Variants in TPCN2 observed in about 807,000 individuals in gnomAD.
TPCN2 encodes the protein two pore channel protein 2.
Under a neutral mutation model 111.4 loss-of-function variants are expected in TPCN2, and 92 were observed. That is an observed-to-expected ratio of 0.83 (90% CI 0.70 to 0.98). The LOEUF (loss-of-function observed/expected upper bound fraction) is 0.98. Among genes scored for constraint, TPCN2 ranks in the 50% least tolerant of loss-of-function variants. TPCN2 has a pLI of 0.00. For missense variants in TPCN2, 995 were observed against 980.1 expected (o/e 1.02, Z -0.20); for synonymous variants, 405 against 414.5 (o/e 0.98, Z 0.28).
intron 4 of TPCN2, 122 bp downstream of exon 4, chr11:69,055,474 C>A: frequency 1.9e-6 from 2 of 1,071,600 alleles, no homozygotes; most frequent in Admixed American, 3.0e-5. Context: ...TGTACTTTGA[C>A]CCGGTGAGCA....
At chr11:69,068,065 A>G (rs1051333702) in intron 8 of TPCN2, among the ~76,000 whole-genome samples, 5 of 151,474 alleles carry the variant, frequency 3.3e-5, no homozygotes, top group African/African-American at 1.2e-4. Flanking sequence ...GCAGCATGTG[A>G]GGGCCAAGGG....
rs760397150 is a variant in TPCN2 at position 69,079,849 on chromosome 11, A to G, written c.1555A>G (p.Thr519Ala). Reference protein sequence around the residue: ...TVVLLVLEISTLAVYRLPHPG... With the variant: ...TVVLLVLEISALAVYRLPHPG... Reference sequence around the variant, plus strand: ...GTAATTAAAGGTTTTGGAGATCTCAACTCTGGCTGTGTACCGATTGCCACA... The same window carrying G: ...GTAATTAAAGGTTTTGGAGATCTCAGCTCTGGCTGTGTACCGATTGCCACA... The change falls in exon 17 of 25, where the codon ACT (threonine) becomes GCT (alanine). Residue 519 changes from threonine (T) to alanine (A), a missense_variant. Transcript: ENST00000294309. The G allele has an allele frequency of 3.7e-6, 6 of 1,613,292 alleles. No individual in the cohort carries two copies. The highest frequency in any genetic ancestry group is 3.3e-5 in the Admixed American group (2 of 59,932).
At chr11:69,061,666 AC>A (rs1457072702) in intron 5 of TPCN2, among the ~76,000 whole-genome samples, 4 of 150,968 alleles carry the variant, frequency 2.6e-5, no homozygotes, top group African/African-American at 9.8e-5. Context: ...GCTCATGGGG[AC>A]CCCCAGGTGG....
chr11:69,074,205 C>T lies in TPCN2; in HGVS notation c.1230+1204C>T, dbSNP rs190543303. On this transcript the variant is annotated intron_variant, in intron 13 of 24. Transcript: ENST00000294309. Reference sequence around the variant, plus strand: ...TAAAAAACATTGTTTTCCTAAGGTCCTTCCAGACCTCTGTAGTCAGGCCCT... The same window carrying T: ...TAAAAAACATTGTTTTCCTAAGGTCTTTCCAGACCTCTGTAGTCAGGCCCT... Among the ~76,000 whole-genome samples the T allele has an allele frequency of 1.4e-3, 210 of 152,326 alleles. 1 individual carries two copies. The highest frequency in any genetic ancestry group is 4.7e-3 in the African/African-American group (196 of 41,570).
At chr11:69,055,077 G>T in intron 3 of TPCN2, 98 bp from the exon 4 acceptor site, 1 of 1,325,412 alleles carries the variant, frequency 7.5e-7, no homozygotes, top group Non-Finnish European at 1.1e-6. Context: ...CTCAGGCAGC[G>T]CCAACTCCCG....
Position 69,072,941 on chromosome 11 carries a change from G to A in TPCN2, c.1170G>A (p.Leu390=), listed in dbSNP as rs760456371. 7 of 1,613,864 alleles carry A rather than the reference G, an allele frequency of 4.3e-6. No individual in the cohort carries two copies. The highest frequency in any genetic ancestry group is 1.1e-5 in the South Asian group (1 of 91,034). Residue 390 remains leucine, a synonymous_variant, in exon 13 of 25, where the codon CTG becomes CTA. Transcript: ENST00000294309. ...MEKVRSYGSV[L]LSAEEFQKLF... ...AGGTGCGTTCCTATGGCAGTGTTCTGCTCTCAGCTGAGGAGTTTCAGAAGC... is the reference window on the plus strand; with the variant it reads ...AGGTGCGTTCCTATGGCAGTGTTCTACTCTCAGCTGAGGAGTTTCAGAAGC...
intron 5 of TPCN2, among the ~76,000 whole-genome samples, chr11:69,058,532 G>T (rs958061118): frequency 6.6e-6 from 1 of 152,178 alleles, no homozygotes; most frequent in Non-Finnish European, 1.5e-5. Flanking sequence ...CGATGTGGGG[G>T]CTGGAAGCTC....
intron 18 of TPCN2, among the ~76,000 whole-genome samples, chr11:69,082,328 ACAC>A (rs1856050013): frequency 6.6e-6 from 1 of 152,252 alleles, no homozygotes; most frequent in African/African-American, 2.4e-5. Flanking sequence ...ACATGCATAT[ACAC>A]ACACAATCAC....
chr11:69,054,858 GC>G (rs1300238180), intron 3 of TPCN2, 61 bp downstream of exon 3: 2 of 1,545,690 alleles, frequency 1.3e-6, no homozygotes, highest in Non-Finnish European at 1.8e-6. Flanking sequence ...GGGGAGGCTG[GC>G]CCCCACCTGG....
intron 5 of TPCN2, 25 bp downstream of exon 5, chr11:69,057,719 C>G (rs1244346400): frequency 1.2e-6 from 2 of 1,605,252 alleles, no homozygotes; most frequent in Admixed American, 3.3e-5. Flanking sequence ...AGCCCTGAGA[C>G]AGATGGAGAG....
rs375116673 is a variant in TPCN2, at chr11:69,086,622, C to T, written c.2085+18C>T. 110 of 1,610,814 alleles carry T rather than the reference C, an allele frequency of 6.8e-5. No homozygotes were observed. In the African/African-American group the frequency reaches 1.4e-3, roughly 20 times the overall value. On this transcript the variant is annotated intron_variant, in intron 23 of 24. Transcript: ENST00000294309. ...TTCTGGAGGTATCAGAGATCCCCAC[C>T]CAGGCTGTTCTCCATGGTCGTTTGT...
At chr11:69,070,026 C>CTTTTT (rs34320189) in intron 8 of TPCN2, among the ~76,000 whole-genome samples, 2 of 143,926 alleles carry the variant, frequency 1.4e-5, no homozygotes, top group African/African-American at 2.6e-5. Flanking sequence ...TTCTTTCTTT[C>CTTTTT]TTTTTTTTTT....
chr11:69,057,553 G>A (rs757109062), intron 4 of TPCN2, 25 bp from the exon 5 acceptor site: 5 of 1,604,902 alleles, frequency 3.1e-6, no homozygotes, highest in Non-Finnish European at 4.3e-6. Context: ...GCTACTTGCT[G>A]CTCACCCGCC....
chr11:69,086,322 C>G (rs1856271801), intron 22 of TPCN2, among the ~76,000 whole-genome samples: 1 of 152,220 alleles, frequency 6.6e-6, no homozygotes, highest in South Asian at 2.1e-4. Context: ...CTCCTGCTGG[C>G]TTAGCTACCT....
At chr11:69,087,774 A>T in intron 24 of TPCN2, 101 bp from the exon 25 acceptor site, 1 of 867,304 alleles carries the variant, frequency 1.2e-6, no homozygotes, top group South Asian at 1.6e-5. Flanking sequence ...TGTGACACTC[A>T]CTTCGCATGT....
chr11:69,070,568 C>A, intron 9 of TPCN2, 73 bp downstream of exon 9: 1 of 1,114,448 alleles, frequency 9.0e-7, no homozygotes, highest in Non-Finnish European at 1.3e-6. Context: ...ACCCTGCTGC[C>A]TCCACGACCT....
At chr11:69,085,189 C>T (rs755625772) in intron 19 of TPCN2, 21 bp from the exon 20 acceptor site, 1 of 1,612,622 alleles carries the variant, frequency 6.2e-7, no homozygotes, top group Non-Finnish European at 8.5e-7. Context: ...GCTGATCAGT[C>T]CCCGGCTCCT....
At position 69,072,043 on chromosome 11, in the gene TPCN2, C is replaced by T; in HGVS notation, c.1061+20C>T. On this transcript the variant is annotated intron_variant, in intron 11 of 24. Transcript: ENST00000294309. Reference sequence around the variant, plus strand: ...TCAGGCGTGAGTGCTGGGCATGGACCCTCTTCTCCCTGAGGGTGGGTGCTG... The same window carrying T: ...TCAGGCGTGAGTGCTGGGCATGGACTCTCTTCTCCCTGAGGGTGGGTGCTG... The T allele has an allele frequency of 6.3e-7, 1 of 1,595,452 alleles. No homozygotes were observed. The highest frequency in any genetic ancestry group is 8.6e-7 in the Non-Finnish European group (1 of 1,165,320).
At chr11:69,061,368 G>A (rs1243364464) in intron 5 of TPCN2, among the ~76,000 whole-genome samples, 3 of 152,252 alleles carry the variant, frequency 2.0e-5, no homozygotes, top group Admixed American at 1.3e-4. Flanking sequence ...GCTGTGGGCA[G>A]TTGTCGGAGG....
Sources: allele counts gnomAD v4.1 joint callset (sites outside exome capture counted in the v4.1 genomes callset), GRCh38; gene constraint gnomAD v4.1.1; transcripts MANE v1.5; gene names NCBI Gene and HGNC (gene_info 2026-07-23, HGNC 2026-07-21).